The following KIF1B variants were observed in gnomAD, a reference collection of about 807,000 sequenced individuals.
KIF1B encodes kinesin family member 1B.
KIF1B carries 76 observed loss-of-function variants against 241.9 expected under a neutral mutation model. That is an observed-to-expected ratio of 0.31 (90% CI 0.26 to 0.38). The LOEUF is 0.38. Ranked by LOEUF, KIF1B falls within the 10% of genes least tolerant of loss-of-function variation. KIF1B has a pLI of 1.00. For synonymous variants in KIF1B, 750 were observed against 796.7 expected, an observed-to-expected ratio of 0.94 and a Z score of 0.99; for missense variants, 1,622 against 2,271.4, an observed-to-expected ratio of 0.71 and a Z score of 5.81.
chr1:10,317,208 T>C (rs1651339616), intron 22 of KIF1B, among the ~76,000 whole-genome samples: 1 of 151,678 alleles, frequency 6.6e-6, no homozygotes, highest in Non-Finnish European at 1.5e-5. Context: ...TTAAAAAATT[T>C]TTATTTAAAG....
chr1:10,365,580 G>A lies in KIF1B; in HGVS notation c.4684G>A (p.Glu1562Lys), dbSNP rs761322006. Residue 1562 changes from glutamate (E) to lysine (K), a missense_variant, in exon 43 of 49, where the codon GAG becomes AAG. Coordinates refer to ENST00000676179, the MANE Select transcript of KIF1B (RefSeq NM_001365951.3). This position sits in a 1 kb window ranked among gnomAD's most constrained non-coding sequence, Gnocchi z 4.0. ...CTTTGAAAGCGCCATCACACCTAGCGAGAGCAGTGGCTATGATTCAGGAGA... is the reference window on the plus strand; with the variant it reads ...CTTTGAAAGCGCCATCACACCTAGCAAGAGCAGTGGCTATGATTCAGGAGA... ...TTFESAITPSESSGYDSGDIE... is the reference protein window; with the variant it reads ...TTFESAITPSKSSGYDSGDIE... 7.4e-6 allele frequency: 12 copies of A among 1,614,094 alleles called. No individual in the cohort carries two copies. The highest frequency in any genetic ancestry group is 9.3e-6 in the Non-Finnish European group (11 of 1,180,026).
Position 10,261,200 on chromosome 1 carries a change from C to T in KIF1B, c.364-705C>T, listed in dbSNP as rs533219511. 1.4e-3 allele frequency among the ~76,000 whole-genome samples: 215 copies of T among 151,702 alleles called. 2 individuals are homozygous for T. The highest frequency in any genetic ancestry group is 5.0e-3 in the African/African-American group (205 of 41,368). On this transcript the variant is annotated intron_variant, in intron 4 of 48. Coordinates refer to ENST00000676179, the MANE Select transcript of KIF1B (RefSeq NM_001365951.3). ...CAGGCTGGTCTTGAACTCCTGGCCT[C>T]AAGTGATCTGCCTGCCTTGGCCTCC...
At position 10,337,600 on chromosome 1, in the gene KIF1B, A is replaced by T; in HGVS notation, c.3422+67A>T. 6.5e-7 allele frequency: 1 copy of T among 1,549,712 alleles called. No homozygotes were observed. Among genetic ancestry groups the T allele is most frequent in the Non-Finnish European group, 8.9e-7 (1 of 1,122,232 alleles). ...CGAGGTGACATCTCTTGTGCACTGT[A>T]GAGTGCTTTACATGTGTGAGGGATT... On this transcript the variant is annotated intron_variant, in intron 31 of 48. Transcript: ENST00000676179. This position sits in a 1 kb window ranked among gnomAD's most constrained non-coding sequence, Gnocchi z 4.0.
At chr1:10,312,735 C>T (rs2102283862) in intron 22 of KIF1B, among the ~76,000 whole-genome samples, 1 of 151,740 alleles carries the variant, frequency 6.6e-6, no homozygotes, top group Middle Eastern at 3.4e-3. Context: ...GTCTAGAAGT[C>T]TGTCTCCCAT....
At chr1:10,215,839 G>A (rs1646761426) in intron 1 of KIF1B, among the ~76,000 whole-genome samples, 1 of 152,158 alleles carries the variant, frequency 6.6e-6, no homozygotes, top group African/African-American at 2.4e-5. Context: ...ATGAGCCCCT[G>A]TGCCCAGCCC....
At chr1:10,226,892 C>T (rs1194547449) in intron 1 of KIF1B, among the ~76,000 whole-genome samples, 1 of 151,980 alleles carries the variant, frequency 6.6e-6, no homozygotes, top group Non-Finnish European at 1.5e-5. Context: ...CACCTGAGCC[C>T]AGGAGGTCAA....
At chr1:10,217,432 C>G (rs1271008448) in intron 1 of KIF1B, among the ~76,000 whole-genome samples, 2 of 150,826 alleles carry the variant, frequency 1.3e-5, no homozygotes, top group Non-Finnish European at 2.9e-5. Context: ...ATTCTCCTGC[C>G]TCGGCCACCT....
intron 4 of KIF1B, 39 bp from the exon 5 acceptor site, chr1:10,261,866 A>C (rs753230730): frequency 5.1e-5 from 70 of 1,380,106 alleles, no homozygotes; most frequent in Non-Finnish European, 6.6e-5. Flanking sequence ...TACTCCTCTC[A>C]TTTGTGCTCT....
chr1:10,239,774 A>AT (rs552813033), intron 2 of KIF1B, among the ~76,000 whole-genome samples: 11 of 143,712 alleles, frequency 7.7e-5, no homozygotes, highest in South Asian at 4.5e-4. Context: ...TGCCTGGCTA[A>AT]TTTTTTTTTG....
At chr1:10,251,424 T>G (rs1569573171) in intron 2 of KIF1B, among the ~76,000 whole-genome samples, 1 of 151,614 alleles carries the variant, frequency 6.6e-6, no homozygotes, top group African/African-American at 2.4e-5. Context: ...GCTAAAAGGC[T>G]GAGTGAAATA....
intron 37 of KIF1B, among the ~76,000 whole-genome samples, chr1:10,350,620 TG>T (rs1652758583): frequency 6.6e-6 from 1 of 152,230 alleles, no homozygotes; most frequent in Non-Finnish European, 1.5e-5. Flanking sequence ...TGGTTTCTAC[TG>T]GGGACAGAGT....
intron 2 of KIF1B, among the ~76,000 whole-genome samples, chr1:10,240,560 CAG>C (rs1647121895): frequency 6.6e-6 from 1 of 152,056 alleles, no homozygotes; most frequent in Non-Finnish European, 1.5e-5. Context: ...AAATAGCACT[CAG>C]AGTGCAGAAA....
At chr1:10,252,202 G>A (rs906749369) in intron 2 of KIF1B, among the ~76,000 whole-genome samples, 2 of 151,870 alleles carry the variant, frequency 1.3e-5, no homozygotes, top group African/African-American at 2.4e-5. Flanking sequence ...ACCATGCCTC[G>A]CTAACTTTTG....
Position 10,326,203 on chromosome 1 carries a change from T to C in KIF1B, c.2768T>C (p.Leu923Pro). 6.2e-7 allele frequency: 1 copy of C among 1,614,196 alleles called. No homozygotes were observed. Among genetic ancestry groups the C allele is most frequent in the Non-Finnish European group, 8.5e-7 (1 of 1,180,038 alleles). ...FSTADSDITELADEQQDEMED... is the reference protein window; with the variant it reads ...FSTADSDITEPADEQQDEMED... The stretch of plus-strand genomic sequence containing the variant: ...ACGGCCGATTCCGACATCACTGAGC[T>C]GGCTGACGAGCAGCAAGATGAGATG... Residue 923 changes from leucine (L) to proline (P), a missense_variant, in exon 27 of 49, where the codon CTG (leucine) becomes CCG (proline). Physicochemically the swap from Leu to Pro is moderately conservative, Grantham distance 98 (BLOSUM62 -3). Around this residue, in one of 7 missense-constraint regions of KIF1B, gnomAD observed 803 missense variants for 1,112.0 expected, o/e 0.72. Transcript: ENST00000676179. This position sits in a 1 kb window ranked among gnomAD's most constrained non-coding sequence, Gnocchi z 5.2.
At chr1:10,352,160 A>G (rs1202887388) in intron 37 of KIF1B, among the ~76,000 whole-genome samples, 2 of 148,108 alleles carry the variant, frequency 1.4e-5, no homozygotes, top group Non-Finnish European at 3.0e-5. Flanking sequence ...GTTAGGTGAG[A>G]GTGGAATGGA....
intron 22 of KIF1B, among the ~76,000 whole-genome samples, chr1:10,311,037 T>C (rs1347136890): frequency 1.3e-5 from 2 of 151,456 alleles, no homozygotes; most frequent in Non-Finnish European, 2.9e-5. Context: ...CTTGATCCTC[T>C]CCTAGCCCAG....
intron 24 of KIF1B, among the ~76,000 whole-genome samples, chr1:10,323,567 C>T (rs1368204317): frequency 6.6e-6 from 1 of 152,132 alleles, no homozygotes; most frequent in Non-Finnish European, 1.5e-5. Context: ...GGCTACAGTG[C>T]TCTGTGATTG....
rs1647783929 is a variant in KIF1B at position 10,256,415 on chromosome 1, G to C, written c.183+92G>C. The C allele has an allele frequency of 4.6e-6, 4 of 872,590 alleles. No homozygotes were observed. The African/African-American group carries it at 6.6e-5, about 14-fold the overall frequency. The allele number at this position is 872,590 out of a possible 1,614,324, so 54.1% of individuals were successfully genotyped here. ...TTTTCTCTTAGCTGAGCAGATCCAA[G>C]TTTTGCTTCTTAACTGTTGTGTAGC... On this transcript the variant is annotated intron_variant, in intron 3 of 48. Transcript: ENST00000676179.
At chr1:10,283,223 A>T (rs1649514821) in intron 15 of KIF1B, among the ~76,000 whole-genome samples, 1 of 138,984 alleles carries the variant, frequency 7.2e-6, no homozygotes, top group South Asian at 2.4e-4. Flanking sequence ...AAAAAAAAAA[A>T]AAAAAAAAGA....
Sources: gnomAD v4.1 joint callset for allele counts (sites outside exome capture counted in the v4.1 genomes callset) on GRCh38, gnomAD v4.1.1 for gene constraint, gnomAD v4.1.1 regional missense constraint, Gnocchi (gnomAD v3.1) non-coding constraint, MANE v1.5 for transcripts, NCBI Gene and HGNC (gene_info 2026-07-23, HGNC 2026-07-21) for gene names.